IMMP2L: variants seen among roughly 807,000 people sequenced by gnomAD.
IMMP2L encodes the protein inner mitochondrial membrane peptidase subunit 2, also known as mitochondrial inner membrane protease subunit 2.
IMMP2L carries 18 observed loss-of-function variants against 19.3 expected under a neutral mutation model. The observed-to-expected ratio is 0.93, with a 90% CI of 0.64 to 1.38. IMMP2L has a LOEUF of 1.38. IMMP2L is among the 40% of genes most tolerant of loss of function. The pLI, the probability that IMMP2L is intolerant of heterozygous loss-of-function variation, is 0.00. For synonymous variants in IMMP2L, 76 were observed against 73.0 expected, an observed-to-expected ratio of 1.04 and a Z score of -0.21; for missense variants, 233 against 218.2, an observed-to-expected ratio of 1.07 and a Z score of -0.43.
At chr7:111,295,255 A>T (rs990614719) in intron 3 of IMMP2L, among the ~76,000 whole-genome samples, 1 of 151,950 alleles carries the variant, frequency 6.6e-6, no homozygotes, top group African/African-American at 2.4e-5. Flanking sequence ...TTTGGCACTT[A>T]ATTTTATGTG....
At chr7:111,122,433 G>A (rs549941159) in intron 3 of IMMP2L, 25 of 194,354 alleles carry the variant, frequency 1.3e-4, no homozygotes, top group African/African-American at 5.6e-4. Flanking sequence ...TGCTATTCCT[G>A]CAAATACTGA....
intron 4 of IMMP2L, among the ~76,000 whole-genome samples, chr7:110,923,979 C>G (rs1379427681): frequency 6.6e-6 from 1 of 152,152 alleles, no homozygotes; most frequent in Non-Finnish European, 1.5e-5. Context: ...GAATAAAAAG[C>G]CTTCCTCCTT....
chr7:111,198,672 T>G (rs1809763034), intron 3 of IMMP2L, among the ~76,000 whole-genome samples: 1 of 152,182 alleles, frequency 6.6e-6, no homozygotes, highest in Non-Finnish European at 1.5e-5. Context: ...CCTACCAAAA[T>G]CTTATCCTTC....
intron 3 of IMMP2L, among the ~76,000 whole-genome samples, chr7:111,200,850 C>T (rs145158311): frequency 1.3e-5 from 2 of 152,198 alleles, no homozygotes; most frequent in South Asian, 2.1e-4. Flanking sequence ...ATAGGAAGAA[C>T]CCATTAACAT....
chr7:111,043,922 G>A (rs1268724448), intron 3 of IMMP2L, among the ~76,000 whole-genome samples: 2 of 152,126 alleles, frequency 1.3e-5, no homozygotes, highest in Non-Finnish European at 2.9e-5. Context: ...TGTCAGTAAA[G>A]GGATTTGATA....
At chr7:110,887,650 T>C (rs1018736175) in intron 4 of IMMP2L, among the ~76,000 whole-genome samples, 7 of 151,306 alleles carry the variant, frequency 4.6e-5, no homozygotes, top group Non-Finnish European at 1.0e-4. Flanking sequence ...TTCAATAAAT[T>C]ATGATACAAC....
At chr7:110,754,341 C>G (rs1797913820) in intron 5 of IMMP2L, among the ~76,000 whole-genome samples, 1 of 151,992 alleles carries the variant, frequency 6.6e-6, no homozygotes, top group Admixed American at 6.6e-5. Context: ...CCGGGGTTAA[C>G]TAATGGTCCT....
chr7:110,862,506 T>C (rs896790214), intron 5 of IMMP2L, among the ~76,000 whole-genome samples: 8 of 144,328 alleles, frequency 5.5e-5, no homozygotes, highest in African/African-American at 2.0e-4. Context: ...GCCCGGCTAA[T>C]TTTTTTTTTT....
At chr7:110,933,530 T>C (rs1815733943) in intron 4 of IMMP2L, among the ~76,000 whole-genome samples, 1 of 152,238 alleles carries the variant, frequency 6.6e-6, no homozygotes, top group South Asian at 2.1e-4. Flanking sequence ...ATGATGCTTT[T>C]ATAAAAGGTA....
At chr7:111,473,438 T>C (rs183144575) in intron 3 of IMMP2L, among the ~76,000 whole-genome samples, 397 of 152,276 alleles carry the variant, frequency 2.6e-3, no homozygotes, top group Middle Eastern at 0.017. Context: ...ACCACATCCT[T>C]AAAAGTTTTC....
intron 3 of IMMP2L, among the ~76,000 whole-genome samples, chr7:111,190,741 T>C (rs1293166868): frequency 6.6e-6 from 1 of 152,152 alleles, no homozygotes; most frequent in Non-Finnish European, 1.5e-5. Flanking sequence ...GTATATTGCT[T>C]ATCTATATAA....
chr7:111,339,393 T>TA (rs1348519155), intron 3 of IMMP2L, among the ~76,000 whole-genome samples: 23 of 150,546 alleles, frequency 1.5e-4, no homozygotes, highest in South Asian at 4.2e-4. Context: ...TAAGAAGAAT[T>TA]AAAAAAAAAG....
chr7:111,089,311 T>C (rs547684783), intron 3 of IMMP2L, among the ~76,000 whole-genome samples: 1 of 152,074 alleles, frequency 6.6e-6, no homozygotes, highest in African/African-American at 2.4e-5. Flanking sequence ...ATTATGGGAG[T>C]GCATTATAAT....
At chr7:110,710,896 T>C (rs1794869267) in intron 5 of IMMP2L, among the ~76,000 whole-genome samples, 1 of 18,884 alleles carries the variant, frequency 5.3e-5, no homozygotes, top group Non-Finnish European at 9.4e-5. Context: ...TTTGAGCCTA[T>C]GTGTGTCTCT....
At chr7:111,375,697 T>C (rs1830622183) in intron 3 of IMMP2L, among the ~76,000 whole-genome samples, 1 of 152,000 alleles carries the variant, frequency 6.6e-6, no homozygotes, top group Admixed American at 6.6e-5. Flanking sequence ...ACTAGTTTTA[T>C]ATTTCTAGTA....
intron 3 of IMMP2L, among the ~76,000 whole-genome samples, chr7:111,376,256 T>C (rs1316138351): frequency 6.6e-6 from 1 of 152,068 alleles, no homozygotes; most frequent in African/African-American, 2.4e-5. Context: ...AAAAGCCCCA[T>C]AATCTCATTA....
chr7:111,034,423 G>A (rs926897804), intron 3 of IMMP2L, among the ~76,000 whole-genome samples: 1 of 152,106 alleles, frequency 6.6e-6, no homozygotes, highest in African/African-American at 2.4e-5. Context: ...ACCTTGCAAA[G>A]AATTACGAAT....
At chr7:111,360,237 A>G (rs1829134690) in intron 3 of IMMP2L, among the ~76,000 whole-genome samples, 1 of 152,182 alleles carries the variant, frequency 6.6e-6, no homozygotes, top group Non-Finnish European at 1.5e-5. Context: ...TGCAAAAACT[A>G]GATTTCCATT....
chr7:111,154,541 TA>T (rs1179362062), intron 3 of IMMP2L, among the ~76,000 whole-genome samples: 43 of 152,192 alleles, frequency 2.8e-4, no homozygotes, highest in Non-Finnish European at 2.9e-5. Flanking sequence ...TTAATTTCAG[TA>T]AAAAGAAAAT....
Sources: gnomAD v4.1 joint callset for allele counts (sites outside exome capture counted in the v4.1 genomes callset) on GRCh38, gnomAD v4.1.1 for gene constraint, MANE v1.5 for transcripts, NCBI Gene and HGNC (gene_info 2026-07-23, HGNC 2026-07-21) for gene names.